The following NYAP2 variants were observed in gnomAD, a reference collection of about 807,000 sequenced individuals.
NYAP2 encodes the protein neuronal tyrosine-phosphorylated phosphoinositide-3-kinase adaptor 2, also known as neuronal tyrosine-phosphorylated phosphoinositide-3-kinase adapter 2.
Under a neutral mutation model 50.4 loss-of-function variants are expected in NYAP2, and 23 were observed. That is an observed-to-expected ratio of 0.46 (90% CI 0.33 to 0.65). The LOEUF (loss-of-function observed/expected upper bound fraction) is 0.65. Among genes scored for constraint, NYAP2 ranks in the 30% least tolerant of loss-of-function variants. The probability of loss-of-function intolerance (pLI) is 0.02; values close to 1 mark genes in which losing one functional copy is unlikely to be tolerated. For synonymous variants in NYAP2, 394 were observed against 365.2 expected, an observed-to-expected ratio of 1.08 and a Z score of -0.90; for missense variants, 885 against 861.0, an observed-to-expected ratio of 1.03 and a Z score of -0.35.
intron 3 of NYAP2, among the ~76,000 whole-genome samples, chr2:225,507,989 G>C (rs1351496586): frequency 6.6e-6 from 1 of 152,176 alleles, no homozygotes; most frequent in African/African-American, 2.4e-5. Flanking sequence ...AATTTGTTTG[G>C]TGGAGATATT....
intron 5 of NYAP2, among the ~76,000 whole-genome samples, chr2:225,591,644 G>C (rs1247674451): frequency 6.6e-6 from 1 of 152,152 alleles, no homozygotes; most frequent in Admixed American, 6.6e-5. Context: ...CCGTTTTAAA[G>C]ATGGAAGAAA....
chr2:225,618,614 A>G (rs910084345), intron 5 of NYAP2, among the ~76,000 whole-genome samples: 3 of 152,248 alleles, frequency 2.0e-5, no homozygotes, highest in Non-Finnish European at 4.4e-5. Context: ...TCAGTTCATC[A>G]TTTTGCTTTG....
intron 6 of NYAP2, among the ~76,000 whole-genome samples, chr2:225,650,364 C>G (rs1044826634): frequency 6.6e-6 from 1 of 152,160 alleles, no homozygotes; most frequent in African/African-American, 2.4e-5. Flanking sequence ...GGCTCTCTGG[C>G]ACGCGTGTCA....
At chr2:225,503,657 T>C (rs1398155805) in intron 3 of NYAP2, among the ~76,000 whole-genome samples, 4 of 152,192 alleles carry the variant, frequency 2.6e-5, no homozygotes, top group African/African-American at 9.6e-5. Context: ...GCAGCAATAT[T>C]AACCTCAAAC....
intron 3 of NYAP2, among the ~76,000 whole-genome samples, chr2:225,504,933 G>T (rs780045751): frequency 5.3e-5 from 8 of 151,924 alleles, no homozygotes; most frequent in East Asian, 3.9e-4. Flanking sequence ...GCTTGAACCT[G>T]GGAGGCAGAG....
chr2:225,512,583 T>TGCCTTCCCCTTTCCTTTCCC (rs1690839029), intron 3 of NYAP2, among the ~76,000 whole-genome samples: 1 of 149,862 alleles, frequency 6.7e-6, no homozygotes, highest in Non-Finnish European at 1.5e-5. Flanking sequence ...TTTCCTTTCC[T>TGCCTTCCCCTTTCCTTTCCC]GCCTTCCCCT....
chr2:225,523,628 C>T (rs1439667449), intron 4 of NYAP2, among the ~76,000 whole-genome samples: 1 of 151,908 alleles, frequency 6.6e-6, no homozygotes, highest in Non-Finnish European at 1.5e-5. Flanking sequence ...TTAAAATGAC[C>T]ATATTGTCCA....
intron 3 of NYAP2, among the ~76,000 whole-genome samples, chr2:225,479,267 T>C (rs1214479572): frequency 6.6e-6 from 1 of 152,138 alleles, no homozygotes; most frequent in South Asian, 2.1e-4. Context: ...CCCTTTGAAT[T>C]TGGTATAATT....
chr2:225,692,779 A>G, the NYAP2 span, among the ~76,000 whole-genome samples: 1 of 152,006 alleles, frequency 6.6e-6, no homozygotes, highest in East Asian at 1.9e-4. Context: ...AGCTCTTTCC[A>G]TGATACCATG....
intron 3 of NYAP2, among the ~76,000 whole-genome samples, chr2:225,411,019 A>G (rs1695029690): frequency 6.6e-6 from 1 of 152,190 alleles, no homozygotes; most frequent in South Asian, 2.1e-4. Context: ...AACTCAGATC[A>G]CACATTGAAT....
chr2:225,701,182 A>G, the NYAP2 span: 2 of 151,850 alleles, frequency 1.3e-5, no homozygotes, highest in African/African-American at 4.8e-5. Context: ...GTTTCTCTAA[A>G]TGGAGAAAAG....
At chr2:225,428,471 C>G (rs1312724867) in intron 3 of NYAP2, among the ~76,000 whole-genome samples, 3 of 152,130 alleles carry the variant, frequency 2.0e-5, no homozygotes, top group Non-Finnish European at 4.4e-5. Context: ...GCATTTGTAC[C>G]ATAAGGCAAC....
exon 7 of NYAP2, chr2:225,651,681 A>T (rs183669567): frequency 1.1e-4 from 118 of 1,065,704 alleles, no homozygotes; most frequent in Admixed American, 3.4e-4. Flanking sequence ...GATGCGGGGG[A>T]TGAGTTCTGG....
chr2:225,442,018 C>G (rs1689477978), intron 3 of NYAP2, among the ~76,000 whole-genome samples: 1 of 152,212 alleles, frequency 6.6e-6, no homozygotes, highest in Non-Finnish European at 1.5e-5. Flanking sequence ...AATGTCAACA[C>G]TGCCAGCTCT....
intron 5 of NYAP2, among the ~76,000 whole-genome samples, chr2:225,608,378 C>T (rs1692826218): frequency 6.6e-6 from 1 of 152,104 alleles, no homozygotes; most frequent in Admixed American, 6.6e-5. Flanking sequence ...ATTATTCTCA[C>T]ATCTTCCTTC....
At chr2:225,650,444 GTT>G (rs1365310630) in intron 6 of NYAP2, among the ~76,000 whole-genome samples, 6 of 152,158 alleles carry the variant, frequency 3.9e-5, no homozygotes, top group Non-Finnish European at 8.8e-5. Flanking sequence ...TTTAGGTCAA[GTT>G]TATAAAGAAA....
At chr2:225,599,728 C>G (rs191805046) in intron 5 of NYAP2, among the ~76,000 whole-genome samples, 1 of 152,158 alleles carries the variant, frequency 6.6e-6, no homozygotes, top group Non-Finnish European at 1.5e-5. Context: ...GTCCAGGATA[C>G]TATTTTGCAA....
intron 5 of NYAP2, among the ~76,000 whole-genome samples, chr2:225,588,291 A>C (rs949830748): frequency 6.6e-6 from 1 of 152,108 alleles, no homozygotes; most frequent in East Asian, 1.9e-4. Context: ...AGTCTTGTAG[A>C]TCTGATGAAA....
At chr2:225,585,518 A>C (rs1692374277) in intron 5 of NYAP2, among the ~76,000 whole-genome samples, 1 of 152,252 alleles carries the variant, frequency 6.6e-6, no homozygotes, top group African/African-American at 2.4e-5. Flanking sequence ...AAGCTTGTAC[A>C]TGGAAGAGTG....
Sources: gnomAD v4.1 joint callset for allele counts (sites outside exome capture counted in the v4.1 genomes callset) on GRCh38, gnomAD v4.1.1 for gene constraint, MANE v1.5 for transcripts, NCBI Gene and HGNC (gene_info 2026-07-23, HGNC 2026-07-21) for gene names.